ERICH5: variants seen among roughly 807,000 people sequenced by gnomAD.
ERICH5 encodes glutamate-rich protein 5.
A neutral mutation model predicts 28.0 loss-of-function variants in ERICH5; 24 were observed. The observed-to-expected ratio is 0.86, with a 90% CI of 0.62 to 1.21. ERICH5 has a LOEUF of 1.21. Ranked by LOEUF, ERICH5 falls within the 50% of genes most tolerant of loss-of-function variation. The pLI, the probability that ERICH5 is intolerant of heterozygous loss-of-function variation, is 0.00. For synonymous variants in ERICH5, 163 were observed against 157.6 expected, an observed-to-expected ratio of 1.03 and a Z score of -0.25; for missense variants, 421 against 441.2, an observed-to-expected ratio of 0.95 and a Z score of 0.41.
At chr8:98,074,414 C>T (rs2447519) in intron 1 of ERICH5, among the ~76,000 whole-genome samples, 95,776 of 147,276 alleles carry the variant, frequency 0.65, 31,644 homozygotes, top group African/African-American at 0.76. Flanking sequence ...TTTTATTTTT[C>T]ATTTTAATTT....
At chr8:98,073,701 C>A (rs1277240553) in intron 1 of ERICH5, among the ~76,000 whole-genome samples, 2 of 148,832 alleles carry the variant, frequency 1.3e-5, no homozygotes, top group Non-Finnish European at 3.0e-5. Context: ...TGCCACCATG[C>A]CCGGCTAATT....
intron 1 of ERICH5, among the ~76,000 whole-genome samples, chr8:98,081,054 C>A (rs1213213679): frequency 1.3e-5 from 2 of 151,854 alleles, no homozygotes; most frequent in Non-Finnish European, 2.9e-5. Flanking sequence ...AATGAAATCA[C>A]CTTACTTTTC....
In ERICH5 at chr8:98,064,622, C is replaced by T. The variant is rs1241929489; in HGVS notation, c.-48C>T. The T allele has an allele frequency of 8.9e-6, 13 of 1,457,004 alleles. No homozygotes were observed. Among genetic ancestry groups the T allele is most frequent in the Non-Finnish European group, 1.1e-5 (12 of 1,092,060 alleles). 90.3% of individuals were successfully genotyped at this position (1,457,004 alleles called of 1,614,324 possible). ...TGCAGTTGCCTTCGGTTCCCGGTTC[C>T]GGGCCGACACCCGCGCAGGGCTGAG... is the stretch of plus-strand genomic sequence containing the variant. On this transcript the variant is annotated 5_prime_UTR_variant, in exon 1 of 3. Transcript: ENST00000318528.
At chr8:98,076,132 C>T (rs1334049943) in intron 1 of ERICH5, among the ~76,000 whole-genome samples, 3 of 152,144 alleles carry the variant, frequency 2.0e-5, no homozygotes, top group Non-Finnish European at 4.4e-5. Flanking sequence ...CAGCTCACTG[C>T]AGCTTCTGCC....
intron 1 of ERICH5, among the ~76,000 whole-genome samples, chr8:98,075,162 GACTTC>G: frequency 6.6e-6 from 1 of 152,040 alleles, no homozygotes; most frequent in Non-Finnish European, 1.5e-5. Flanking sequence ...TGGTTGACTT[GACTTC>G]TCACTGCCCC....
At chr8:98,067,669 G>T (rs892872604) in intron 1 of ERICH5, among the ~76,000 whole-genome samples, 39 of 150,772 alleles carry the variant, frequency 2.6e-4, no homozygotes, top group African/African-American at 8.3e-4. Context: ...AGGCTGGAGT[G>T]CAATGGCATG....
Position 98,091,934 on chromosome 8 carries a change from TTCCTTTCTTTCTTTC to T in ERICH5, c.1013-1285_1013-1271del, listed in dbSNP as rs1283521502. ...CTTTCTTTCTTCCTTTCTTTCTTTCTTCCTTTCTTTCTTTCTTCTTTCTTTCTTTTTTCTTTCTTT... is the reference window on the plus strand; with the variant it reads ...CTTTCTTTCTTCCTTTCTTTCTTTCTTTCTTTCTTTCTTTTTTCTTTCTTT... On this transcript the variant is annotated intron_variant, in intron 2 of 2. Transcript: ENST00000318528. Among the ~76,000 whole-genome samples, 48 of 53,904 alleles carry T rather than the reference TTCCTTTCTTTCTTTC, an allele frequency of 8.9e-4. 3 individuals are homozygous for T. Among genetic ancestry groups the T allele is most frequent in the African/African-American group, 2.7e-3 (40 of 14,746 alleles). The allele number at this position is 53,904 out of a possible 152,430, so 35.4% of individuals were successfully genotyped here. A position where few individuals can be genotyped will look rare whatever the true frequency, so the allele number is the denominator to read the frequency against.
At chr8:98,091,536 A>G (rs1815382065) in intron 2 of ERICH5, among the ~76,000 whole-genome samples, 1 of 152,222 alleles carries the variant, frequency 6.6e-6, no homozygotes, top group South Asian at 2.1e-4. Flanking sequence ...TGAAGGACAC[A>G]TGTCATACTG....
intron 1 of ERICH5, among the ~76,000 whole-genome samples, chr8:98,079,022 CG>C (rs1024484484): frequency 6.6e-6 from 1 of 152,054 alleles, no homozygotes; most frequent in African/African-American, 2.4e-5. Flanking sequence ...CAAAATCATA[CG>C]GACAGAGTGT....
chr8:98,082,760 A>C (rs1815206023), intron 1 of ERICH5, among the ~76,000 whole-genome samples: 1 of 152,134 alleles, frequency 6.6e-6, no homozygotes, highest in Non-Finnish European at 1.5e-5. Context: ...AGTCCCAGCT[A>C]CTTGGGAAGC....
chr8:98,075,673 C>T (rs2447514), intron 1 of ERICH5, among the ~76,000 whole-genome samples: 84,967 of 151,222 alleles, frequency 0.56, 24,319 homozygotes, highest in East Asian at 0.69. Flanking sequence ...AGAGCCCCCA[C>T]GCTTGAGGCC....
intron 1 of ERICH5, among the ~76,000 whole-genome samples, chr8:98,074,061 AT>A (rs1369992118): frequency 6.7e-6 from 1 of 149,600 alleles, no homozygotes; most frequent in Non-Finnish European, 1.5e-5. Flanking sequence ...CACCTGGCTA[AT>A]TTTTTTTTGT....
intron 1 of ERICH5, among the ~76,000 whole-genome samples, chr8:98,074,252 T>A (rs571406234): frequency 1.3e-5 from 2 of 152,192 alleles, no homozygotes; most frequent in African/African-American, 4.8e-5. Flanking sequence ...ACAAAAATAT[T>A]AAGTCAATAA....
chr8:98,066,600 T>G (rs1814823108), intron 1 of ERICH5, among the ~76,000 whole-genome samples: 1 of 152,264 alleles, frequency 6.6e-6, no homozygotes, highest in African/African-American at 2.4e-5. Flanking sequence ...ATTGCTGTTC[T>G]GAGTTTTCAT....
chr8:98,065,853 C>T (rs1156408025), intron 1 of ERICH5, among the ~76,000 whole-genome samples: 1 of 152,166 alleles, frequency 6.6e-6, no homozygotes, highest in Non-Finnish European at 1.5e-5. Context: ...GAAATGTCTT[C>T]CTCTGATGTT....
chr8:98,091,900 C>CTTTCTTTCTTTCTTTCTTTCTTTCCTTT, intron 2 of ERICH5, among the ~76,000 whole-genome samples: 1 of 74,676 alleles, frequency 1.3e-5, no homozygotes, highest in Non-Finnish European at 2.6e-5. Flanking sequence ...TTCTTTCTTT[C>CTTTCTTTCTTTCTTTCTTTCTTTCCTTT]CTTTCTTTCT....
intron 1 of ERICH5, 50 bp from the exon 2 acceptor site, chr8:98,089,026 A>C (rs1303421762): frequency 7.2e-7 from 1 of 1,380,034 alleles, no homozygotes; most frequent in Non-Finnish European, 9.9e-7. Flanking sequence ...AAACTAAACA[A>C]TAATTTGTGT....
intron 1 of ERICH5, among the ~76,000 whole-genome samples, chr8:98,072,930 T>C (rs1026282407): frequency 1.3e-5 from 2 of 149,730 alleles, no homozygotes; most frequent in African/African-American, 2.4e-5. Context: ...GACTCTGATA[T>C]AAACCACAGA....
In ERICH5 at chr8:98,091,895, TC is replaced by T. The variant is rs1563759543; in HGVS notation, c.1013-1325del. Among the ~76,000 whole-genome samples, 117 of 79,580 alleles carry T rather than the reference TC, an allele frequency of 1.5e-3. 2 individuals carry two copies. Among genetic ancestry groups the T allele is most frequent in the Admixed American group, 3.3e-3 (22 of 6,610 alleles). 52.2% of individuals were successfully genotyped at this position (79,580 alleles called of 152,430 possible). A position where few individuals can be genotyped will look rare whatever the true frequency, so the allele number is the denominator to read the frequency against. On this transcript the variant is annotated intron_variant, in intron 2 of 2. Coordinates refer to ENST00000318528, the MANE Select transcript of ERICH5 (RefSeq NM_173549.3). ...TTCTTTCTTTCTTTCTTTCTTTCTT[TC>T]TTTCCTTTCTTTCTTTCTTTCTTCC...
Sources: gnomAD v4.1 joint callset for allele counts (sites outside exome capture counted in the v4.1 genomes callset) on GRCh38, gnomAD v4.1.1 for gene constraint, MANE v1.5 for transcripts, NCBI Gene and HGNC (gene_info 2026-07-23, HGNC 2026-07-21) for gene names.